Variants in CSMD1 observed in about 807,000 individuals in gnomAD.
The protein encoded by CSMD1 is CUB and sushi domain-containing protein 1.
CSMD1 carries 213 observed loss-of-function variants against 417.5 expected under a neutral mutation model. That is an observed-to-expected ratio of 0.51 (90% CI 0.46 to 0.57). The LOEUF is 0.57. Ranked by LOEUF, CSMD1 falls within the 20% of genes least tolerant of loss-of-function variation. The probability of loss-of-function intolerance (pLI) is 0.00; values close to 1 mark genes in which losing one functional copy is unlikely to be tolerated. For synonymous variants in CSMD1, 2,862 were observed against 1,736.8 expected (o/e 1.65, Z -16.11); for missense variants, 6,923 against 4,529.7 (o/e 1.53, Z -15.17).
intron 10 of CSMD1, among the ~76,000 whole-genome samples, chr8:3,534,809 A>G (rs979702721): frequency 1.1e-4 from 17 of 152,104 alleles, no homozygotes; most frequent in African/African-American, 2.9e-4. Flanking sequence ...CTCACACAAC[A>G]TTTTCTTTGG....
rs897224917 is a variant in CSMD1, at chr8:3,911,221, A to G, written c.818+86682T>C. 2.6e-5 allele frequency among the ~76,000 whole-genome samples: 4 copies of G among 152,154 alleles called. No homozygotes were observed. The East Asian group carries it at 7.7e-4, about 29-fold the overall frequency. ...GACTAGATGTCAGCATCTCTCTTGAATGCTCATTCCAAAATCAAATCACAT... is the reference window on the plus strand; with the variant it reads ...GACTAGATGTCAGCATCTCTCTTGAGTGCTCATTCCAAAATCAAATCACAT... On this transcript the variant is annotated intron_variant, in intron 5 of 69. Transcript: ENST00000635120.
chr8:3,271,157 C>T (rs1024242888), intron 26 of CSMD1, among the ~76,000 whole-genome samples: 9 of 148,694 alleles, frequency 6.1e-5, no homozygotes, highest in African/African-American at 2.0e-4. Flanking sequence ...CAGTTCCCAC[C>T]TTTGAGTGAG....
intron 5 of CSMD1, among the ~76,000 whole-genome samples, chr8:3,826,703 T>C (rs566720796): frequency 5.5e-4 from 84 of 152,310 alleles, no homozygotes; most frequent in African/African-American, 1.8e-3. Flanking sequence ...CCTTGATAAT[T>C]TCTTTATTTT....
intron 4 of CSMD1, among the ~76,000 whole-genome samples, chr8:3,999,853 A>G (rs1255537878): frequency 6.6e-6 from 1 of 152,194 alleles, no homozygotes; most frequent in African/African-American, 2.4e-5. Context: ...ACTCCCATCC[A>G]AAGCACGTGA....
At chr8:3,023,123 G>A (rs757378358) in intron 51 of CSMD1, among the ~76,000 whole-genome samples, 11 of 152,192 alleles carry the variant, frequency 7.2e-5, no homozygotes, top group Non-Finnish European at 1.3e-4. Flanking sequence ...CTCGGATATA[G>A]ACGAAATACA....
At chr8:3,308,881 G>A (rs1487485853) in intron 23 of CSMD1, among the ~76,000 whole-genome samples, 2 of 151,846 alleles carry the variant, frequency 1.3e-5, no homozygotes, top group African/African-American at 2.4e-5. Flanking sequence ...CTGCCACCAT[G>A]TCCAGCTAAT....
Position 3,900,237 on chromosome 8 carries a change from A to G in CSMD1, c.818+97666T>C, listed in dbSNP as rs181776594. On this transcript the variant is annotated intron_variant, in intron 5 of 69. Coordinates refer to ENST00000635120, the MANE Select transcript of CSMD1 (RefSeq NM_033225.6). ...AGCTGGGTGACAGTGTTAACAGTGGAGCTGGGTAACAGGGCAGCTGGGTGA... is the reference window on the plus strand; with the variant it reads ...AGCTGGGTGACAGTGTTAACAGTGGGGCTGGGTAACAGGGCAGCTGGGTGA... Among the ~76,000 whole-genome samples, 84 of 151,906 alleles carry G rather than the reference A, an allele frequency of 5.5e-4. No homozygotes were observed. In the East Asian group the frequency reaches 7.0e-3, roughly 13 times the overall value.
chr8:3,221,131 A>G (rs1198419691), intron 28 of CSMD1, among the ~76,000 whole-genome samples: 1 of 152,210 alleles, frequency 6.6e-6, no homozygotes, highest in Non-Finnish European at 1.5e-5. Context: ...CCTCCTGGAA[A>G]GGTCCACTGC....
intron 10 of CSMD1, among the ~76,000 whole-genome samples, chr8:3,510,359 T>C (rs752237322): frequency 2.0e-5 from 3 of 151,742 alleles, no homozygotes; most frequent in Admixed American, 6.6e-5. Flanking sequence ...GGGAGGACAG[T>C]AGAGAAAGCA....
At chr8:4,458,303 T>A (rs888702780) in intron 2 of CSMD1, among the ~76,000 whole-genome samples, 2 of 152,284 alleles carry the variant, frequency 1.3e-5, no homozygotes, top group South Asian at 4.2e-4. Flanking sequence ...CTCCCTCTTT[T>A]TTTTTGTGTG....
intron 12 of CSMD1, among the ~76,000 whole-genome samples, chr8:3,442,813 G>C (rs1550890): frequency 0.16 from 24,562 of 152,022 alleles, 2,364 homozygotes; most frequent in East Asian, 0.3. Context: ...ATATTTATGA[G>C]AGATATTAGT....
At chr8:4,592,478 C>T (rs1174871464) in intron 2 of CSMD1, among the ~76,000 whole-genome samples, 1 of 152,002 alleles carries the variant, frequency 6.6e-6, no homozygotes, top group Non-Finnish European at 1.5e-5. Context: ...CCTCCACCTG[C>T]CAGGTTTAAG....
chr8:4,711,700 T>C (rs1174177429), intron 1 of CSMD1, among the ~76,000 whole-genome samples: 2 of 152,144 alleles, frequency 1.3e-5, no homozygotes, highest in African/African-American at 4.8e-5. Flanking sequence ...AGTCTTTGAG[T>C]CTAAAAACAA....
intron 2 of CSMD1, among the ~76,000 whole-genome samples, chr8:4,482,584 G>C (rs1302329977): frequency 6.6e-6 from 1 of 152,198 alleles, no homozygotes; most frequent in African/African-American, 2.4e-5. Context: ...GTGGTAGAAT[G>C]TTTTATATTC....
intron 2 of CSMD1, among the ~76,000 whole-genome samples, chr8:4,595,035 T>C (rs574716237): frequency 1.3e-5 from 2 of 152,350 alleles, no homozygotes; most frequent in Admixed American, 6.5e-5. Flanking sequence ...CCTTGTTGTA[T>C]GTCACTAACA....
intron 2 of CSMD1, among the ~76,000 whole-genome samples, chr8:4,593,131 T>C (rs2130738185): frequency 6.6e-6 from 1 of 152,212 alleles, no homozygotes; most frequent in African/African-American, 2.4e-5. Flanking sequence ...TTAGGGTGAA[T>C]GGAGGATGCT....
At chr8:4,454,567 A>ATT (rs1799355558) in intron 2 of CSMD1, among the ~76,000 whole-genome samples, 2 of 152,152 alleles carry the variant, frequency 1.3e-5, no homozygotes, top group African/African-American at 4.8e-5. Flanking sequence ...CACAGAGTAG[A>ATT]CCCAATGCAG....
intron 1 of CSMD1, among the ~76,000 whole-genome samples, chr8:4,805,653 C>G (rs1258279844): frequency 6.6e-6 from 1 of 152,142 alleles, no homozygotes; most frequent in Non-Finnish European, 1.5e-5. Context: ...CATCTTTAAA[C>G]ACATAAATTA....
intron 1 of CSMD1, among the ~76,000 whole-genome samples, chr8:4,707,652 C>T (rs56345144): frequency 0.33 from 49,594 of 151,664 alleles, 9,330 homozygotes; most frequent in Non-Finnish European, 0.43. Flanking sequence ...TTTGGGAGGC[C>T]GAGGCGGGCG....
Sources: gnomAD v4.1 joint callset for allele counts (sites outside exome capture counted in the v4.1 genomes callset) on GRCh38, gnomAD v4.1.1 for gene constraint, MANE v1.5 for transcripts, NCBI Gene and HGNC (gene_info 2026-07-23, HGNC 2026-07-21) for gene names.